Variants in FOXN3 observed in about 807,000 individuals in gnomAD.
The protein encoded by FOXN3 is forkhead box N3.
In FOXN3, 7 loss-of-function variants were observed where a neutral mutation model predicts 38.4. The ratio of observed to expected loss-of-function variants is 0.18; its 90% CI spans 0.10 to 0.34. The LOEUF (loss-of-function observed/expected upper bound fraction) is 0.34. Among genes scored for constraint, FOXN3 ranks in the 10% least tolerant of loss-of-function variants. The pLI is 1.00. For missense variants in FOXN3, 456 were observed against 613.4 expected (o/e 0.74, Z 2.71); for synonymous variants, 230 against 242.2 (o/e 0.95, Z 0.47).
rs528144809 is a variant in FOXN3 at position 89,507,415 on chromosome 14, T to A, written c.-14-94925A>T. On this transcript the variant is annotated intron_variant, in intron 1 of 6. Transcript: ENST00000345097. ...AGCAGGCCAGGTAACACTTGAGAAA[T>A]TTGAGAATTTGGCCACAACTAGAAA... is the stretch of plus-strand genomic sequence containing the variant. Among the ~76,000 whole-genome samples, 77 of 152,268 alleles carry A rather than the reference T, an allele frequency of 5.1e-4. 1 individual carries two copies. In the South Asian group the frequency reaches 0.016, roughly 31 times the overall value.
intron 1 of FOXN3, among the ~76,000 whole-genome samples, chr14:89,517,083 A>G (rs447107): frequency 0.55 from 83,346 of 151,808 alleles, 23,351 homozygotes; most frequent in Admixed American, 0.59. Context: ...CCACCACCAC[A>G]GCTTTCCTGA....
At chr14:89,588,485 A>ACCGC (rs1451109030) in intron 1 of FOXN3, among the ~76,000 whole-genome samples, 2 of 152,008 alleles carry the variant, frequency 1.3e-5, no homozygotes, top group Non-Finnish European at 2.9e-5. Context: ...AACCATCAAC[A>ACCGC]CCGCCCGATA....
At chr14:89,502,361 T>C (rs1893820658) in intron 1 of FOXN3, among the ~76,000 whole-genome samples, 1 of 152,188 alleles carries the variant, frequency 6.6e-6, no homozygotes, top group Admixed American at 6.5e-5. Flanking sequence ...TGTTTTATTT[T>C]ATTTTAAAAA....
chr14:89,354,281 G>T (rs1374172228), intron 2 of FOXN3, among the ~76,000 whole-genome samples: 2 of 151,254 alleles, frequency 1.3e-5, no homozygotes. Context: ...AGGCTGGAGC[G>T]CAGTGGCACA....
intron 1 of FOXN3, among the ~76,000 whole-genome samples, chr14:89,600,814 G>C (rs1896139742): frequency 6.6e-6 from 1 of 152,154 alleles, no homozygotes; most frequent in African/African-American, 2.4e-5. Flanking sequence ...TCAAGCAAGA[G>C]AGAAATTTTT....
rs1350449430 is a variant in FOXN3, at chr14:89,391,186, G to C, written c.543+20748C>G. Among the ~76,000 whole-genome samples, 4 of 152,324 alleles carry C rather than the reference G, an allele frequency of 2.6e-5. No homozygotes were observed. In the East Asian group the frequency reaches 7.7e-4, roughly 29 times the overall value. On this transcript the variant is annotated intron_variant, in intron 2 of 5. Transcript: ENST00000557258. The stretch of plus-strand genomic sequence containing the variant: ...CATCACCAGCCCCAGACTGACCTTG[G>C]TTTTCAAGGGCGGTAAGTGAATCCT...
chr14:89,267,613 T>C (rs1848807880), intron 4 of FOXN3, among the ~76,000 whole-genome samples: 1 of 152,112 alleles, frequency 6.6e-6, no homozygotes, highest in African/African-American at 2.4e-5. Context: ...AGTAATTGAG[T>C]AAAGAAAATC....
intron 5 of FOXN3, among the ~76,000 whole-genome samples, chr14:89,177,817 G>GCA (rs1887563136): frequency 2.6e-5 from 4 of 152,066 alleles, no homozygotes; most frequent in African/African-American, 9.7e-5. Flanking sequence ...CTGCTTCCTA[G>GCA]TCCCTGCCCC....
chr14:89,591,149 G>A (rs540913921), intron 1 of FOXN3, among the ~76,000 whole-genome samples: 16 of 152,216 alleles, frequency 1.1e-4, no homozygotes, highest in Admixed American at 4.6e-4. Flanking sequence ...TGACCTTTAC[G>A]ACAGGCAGAA....
chr14:89,468,945 T>A (rs544189223), intron 1 of FOXN3, among the ~76,000 whole-genome samples: 13 of 152,334 alleles, frequency 8.5e-5, no homozygotes, highest in African/African-American at 3.1e-4. Context: ...CAAAATGCTC[T>A]GCCCATATAC....
intron 1 of FOXN3, among the ~76,000 whole-genome samples, chr14:89,518,640 A>G (rs1894255609): frequency 6.6e-6 from 1 of 152,256 alleles, no homozygotes; most frequent in South Asian, 2.1e-4. Context: ...TAAAATGTTT[A>G]AACATAGGGA....
intron 4 of FOXN3, among the ~76,000 whole-genome samples, chr14:89,224,003 C>T (rs1161718324): frequency 6.6e-6 from 1 of 151,716 alleles, no homozygotes; most frequent in Non-Finnish European, 1.5e-5. Context: ...AGAATCTGTC[C>T]ATTAGAATAA....
At chr14:89,342,978 T>C (rs995159125) in intron 3 of FOXN3, among the ~76,000 whole-genome samples, 3 of 152,224 alleles carry the variant, frequency 2.0e-5, no homozygotes, top group Non-Finnish European at 2.9e-5. Flanking sequence ...TTGCAATCTT[T>C]CTTTATGCTT....
At chr14:89,311,155 T>G (rs949411113) in intron 3 of FOXN3, among the ~76,000 whole-genome samples, 2 of 148,296 alleles carry the variant, frequency 1.3e-5, no homozygotes, top group Non-Finnish European at 3.0e-5. Context: ...TTATATCTTT[T>G]AAAAAAAAGA....
chr14:89,324,197 G>A (rs1887975713), intron 3 of FOXN3, among the ~76,000 whole-genome samples: 1 of 152,196 alleles, frequency 6.6e-6, no homozygotes, highest in Admixed American at 6.5e-5. Flanking sequence ...TAGCTAAAGT[G>A]ATTTCTCCAA....
At chr14:89,193,989 A>G (rs1251324740) in intron 4 of FOXN3, among the ~76,000 whole-genome samples, 1 of 152,216 alleles carries the variant, frequency 6.6e-6, no homozygotes, top group African/African-American at 2.4e-5. Flanking sequence ...TTCGTATCTT[A>G]CATGAAAAGT....
chr14:89,379,210 C>A (rs1421665203), intron 2 of FOXN3, among the ~76,000 whole-genome samples: 6 of 152,204 alleles, frequency 3.9e-5, no homozygotes, highest in East Asian at 3.9e-4. Context: ...GCCAGCCATG[C>A]AGGCCTCTCC....
At chr14:89,555,882 G>GGGT (rs1895112160) in intron 1 of FOXN3, among the ~76,000 whole-genome samples, 3 of 104,602 alleles carry the variant, frequency 2.9e-5, no homozygotes, top group Non-Finnish European at 6.1e-5. Context: ...TGTGTATGTG[G>GGGT]GGGTGTATGT....
chr14:89,399,050 G>A (rs928271904), intron 2 of FOXN3, among the ~76,000 whole-genome samples: 1 of 152,144 alleles, frequency 6.6e-6, no homozygotes, highest in Non-Finnish European at 1.5e-5. Flanking sequence ...TTTTTTTGTT[G>A]TTGCAGATAT....
Sources: gnomAD v4.1 joint callset for allele counts (sites outside exome capture counted in the v4.1 genomes callset) on GRCh38, gnomAD v4.1.1 for gene constraint, MANE v1.5 for transcripts, NCBI Gene and HGNC (gene_info 2026-07-23, HGNC 2026-07-21) for gene names.